Variants in TECTA observed in about 807,000 individuals in gnomAD.
TECTA encodes the protein tectorin alpha, also known as alpha-tectorin.
In TECTA, 128 loss-of-function variants were observed where a neutral mutation model predicts 216.8. The ratio of observed to expected loss-of-function variants is 0.59; its 90% CI spans 0.51 to 0.68. The LOEUF (loss-of-function observed/expected upper bound fraction) is 0.68, where lower values mean the gene tolerates loss of function less well. TECTA is among the 30% of genes least tolerant of loss of function. The pLI is 0.00. For missense variants in TECTA, 2,551 were observed against 2,786.2 expected (o/e 0.92, Z 1.90); for synonymous variants, 1,089 against 1,117.1 (o/e 0.97, Z 0.50).
chr11:121,137,379 T>C (rs754528579), intron 10 of TECTA, 42 bp from the exon 11 acceptor site: 1 of 1,613,442 alleles, frequency 6.2e-7, no homozygotes, highest in South Asian at 1.1e-5. Context: ...TCTCTGACTT[T>C]TGTCCTTTTC....
At chr11:121,144,619 C>T (rs1046306845) in intron 11 of TECTA, among the ~76,000 whole-genome samples, 3 of 152,160 alleles carry the variant, frequency 2.0e-5, no homozygotes, top group Non-Finnish European at 2.9e-5. Context: ...GGATTTGGCT[C>T]CTCTGAATCA....
intron 15 of TECTA, among the ~76,000 whole-genome samples, 158 bp downstream of exon 15, chr11:121,160,579 C>A (rs1364615471): frequency 6.6e-6 from 1 of 152,206 alleles, no homozygotes; most frequent in African/African-American, 2.4e-5. Flanking sequence ...AAAATAGGCA[C>A]ATCAGAGACC....
intron 20 of TECTA, among the ~76,000 whole-genome samples, chr11:121,184,138 T>C (rs969557929): frequency 6.6e-6 from 1 of 152,226 alleles, no homozygotes; most frequent in East Asian, 1.9e-4. Flanking sequence ...CAATTCTAAG[T>C]GGTAGAGACC....
intron 20 of TECTA, among the ~76,000 whole-genome samples, chr11:121,182,642 G>T (rs1247007870): frequency 1.3e-5 from 2 of 151,498 alleles, no homozygotes; most frequent in African/African-American, 4.9e-5. Flanking sequence ...CAGGTCTGTT[G>T]TCAGGCCCCC....
In TECTA at chr11:121,153,097, C is replaced by T. The variant is rs1358642403; in HGVS notation, c.4305+17C>T. 6.2e-7 allele frequency: 1 copy of T among 1,607,354 alleles called. No homozygotes were observed. The highest frequency in any genetic ancestry group is 1.1e-5 in the South Asian group (1 of 90,052). Reference sequence around the variant, plus strand: ...TATTACGAGGTATGGGAGGCCAGCCCGGCCTTTTCCTCCTTGCCAATGATC... The same window carrying T: ...TATTACGAGGTATGGGAGGCCAGCCTGGCCTTTTCCTCCTTGCCAATGATC... On this transcript the variant is annotated intron_variant, in intron 13 of 23. Transcript: ENST00000392793.
intron 3 of TECTA, among the ~76,000 whole-genome samples, chr11:121,106,890 C>T (rs1317132137): frequency 6.6e-6 from 1 of 152,184 alleles, no homozygotes; most frequent in Admixed American, 6.5e-5. Context: ...CAGGTCCCAC[C>T]CCACACCTAC....
rs373736415 is a variant in TECTA, at chr11:121,109,207, G to A, written c.199-4G>A. 5.1e-5 allele frequency: 82 copies of A among 1,614,006 alleles called. No homozygotes were observed. In the African/African-American group the frequency reaches 7.9e-4, roughly 15 times the overall value. ...ACTGTGCAAAACCTCTCTTATTTTC[G>A]TAGGTCAATAACAACGGAGTTGTTT... On this transcript the variant is annotated splice_polypyrimidine_tract_variant and splice_region_variant and intron_variant, in intron 3 of 23. Transcript: ENST00000392793.
At chr11:121,126,828 A>G (rs1270776649) in intron 8 of TECTA, among the ~76,000 whole-genome samples, 1 of 152,236 alleles carries the variant, frequency 6.6e-6, no homozygotes, top group East Asian at 1.9e-4. Context: ...TTATGACCAG[A>G]GCATCCATAT....
At chr11:121,190,174 C>T (rs1947327918) in intron 23 of TECTA, 1 of 407,232 alleles carries the variant, frequency 2.5e-6, no homozygotes. Flanking sequence ...ATCTGGCTGC[C>T]AAGTCTACTT....
chr11:121,174,610 T>C (rs1382269914), intron 20 of TECTA, among the ~76,000 whole-genome samples: 2 of 152,208 alleles, frequency 1.3e-5, no homozygotes, highest in East Asian at 3.8e-4. Context: ...TTATTGAGGA[T>C]TTTTGCATCA....
At chr11:121,169,985 C>T (rs1306434303) in intron 20 of TECTA, among the ~76,000 whole-genome samples, 1 of 152,140 alleles carries the variant, frequency 6.6e-6, no homozygotes, top group Non-Finnish European at 1.5e-5. Flanking sequence ...ACGTTTGTAG[C>T]CATTAACCAA....
chr11:121,149,047 C>G (rs2135110420), intron 12 of TECTA, among the ~76,000 whole-genome samples: 1 of 152,336 alleles, frequency 6.6e-6, no homozygotes, highest in South Asian at 2.1e-4. Flanking sequence ...GTGCCAGGTT[C>G]TAAGTGGGAT....
chr11:121,166,709 G>A lies in TECTA; in HGVS notation c.5515G>A (p.Gly1839Ser), dbSNP rs376271495. ...GAGGATCAATGACAGACAGTGCACCGGCATCGAGGGGGAAGATTTTATCTC... is the reference window on the plus strand; with the variant it reads ...GAGGATCAATGACAGACAGTGCACCAGCATCGAGGGGGAAGATTTTATCTC... ...GVRINDRQCT[G>S]IEGEDFISFQ... Residue 1839 changes from glycine to serine, a missense_variant, in exon 18 of 24, where the codon GGC becomes AGC. Coordinates refer to ENST00000392793, the MANE Select transcript of TECTA (RefSeq NM_005422.4). The A allele has an allele frequency of 2.0e-5, 33 of 1,614,066 alleles. No homozygotes were observed. The highest frequency in any genetic ancestry group is 1.0e-4 in the Admixed American group (6 of 60,012).
At chr11:121,190,599 G>A in intron 23 of TECTA, 107 bp from the exon 24 acceptor site, 1 of 867,878 alleles carries the variant, frequency 1.2e-6, no homozygotes. Context: ...ATGGGTTCTT[G>A]GCAATGAAGT....
chr11:121,109,132 C>T lies in TECTA; in HGVS notation c.199-79C>T, dbSNP rs114626100. 3,766 of 1,509,808 alleles carry T rather than the reference C, an allele frequency of 2.5e-3. 102 individuals are homozygous for T. The African/African-American group carries it at 0.045, about 18-fold the overall frequency. 93.5% of individuals were successfully genotyped at this position (1,509,808 alleles called of 1,614,324 possible). ...AGTTGTTTTCATTCATACAGTTAGGCGAATGTCTGTCTTGGTTTGTGACTC... is the reference window on the plus strand; with the variant it reads ...AGTTGTTTTCATTCATACAGTTAGGTGAATGTCTGTCTTGGTTTGTGACTC... On this transcript the variant is annotated intron_variant, in intron 3 of 23. Coordinates refer to ENST00000392793, the MANE Select transcript of TECTA (RefSeq NM_005422.4).
intron 6 of TECTA, among the ~76,000 whole-genome samples, chr11:121,115,355 G>A (rs1946491609): frequency 6.6e-6 from 1 of 152,234 alleles, no homozygotes; most frequent in Admixed American, 6.5e-5. Flanking sequence ...GCCACTCTGT[G>A]AGGTGCTGGA....
At chr11:121,183,558 A>G (rs1565540485) in intron 20 of TECTA, among the ~76,000 whole-genome samples, 1 of 151,870 alleles carries the variant, frequency 6.6e-6, no homozygotes, top group African/African-American at 2.4e-5. Flanking sequence ...CTTTATTTTC[A>G]TGCCTCGGAG....
intron 6 of TECTA, among the ~76,000 whole-genome samples, chr11:121,117,468 G>A (rs1382747005): frequency 3.9e-5 from 6 of 152,166 alleles, no homozygotes; most frequent in Admixed American, 3.9e-4. Flanking sequence ...TTTTTTGGTG[G>A]GGAGGTCATT....
At chr11:121,139,953 C>T (rs624428) in intron 11 of TECTA, among the ~76,000 whole-genome samples, 51,946 of 152,094 alleles carry the variant, frequency 0.34, 13,216 homozygotes, top group African/African-American at 0.72. Flanking sequence ...CCACGTTGCT[C>T]GCATCATATT....
Sources: gnomAD v4.1 joint callset for allele counts (sites outside exome capture counted in the v4.1 genomes callset) on GRCh38, gnomAD v4.1.1 for gene constraint, MANE v1.5 for transcripts, NCBI Gene and HGNC (gene_info 2026-07-23, HGNC 2026-07-21) for gene names.